CIMIP6: variants seen among roughly 807,000 people sequenced by gnomAD.
CIMIP6 encodes the protein ciliary microtubule inner protein 6, also known as uncharacterized protein C2orf73.
the CIMIP6 span, chr2:54,382,093 A>C: frequency 3.1e-6 from 4 of 1,307,544 alleles, no homozygotes; most frequent in Non-Finnish European, 4.0e-6. Context: ...CAGTCTGATT[A>C]CAAAGCACAA....
the CIMIP6 span, among the ~76,000 whole-genome samples, chr2:54,346,531 A>G: frequency 2.6e-5 from 4 of 152,244 alleles, no homozygotes; most frequent in East Asian, 5.8e-4. Context: ...CATTTCCTCC[A>G]TCCAAACTTA....
At chr2:54,360,301 A>G in the CIMIP6 span, 4 of 1,612,114 alleles carry the variant, frequency 2.5e-6, no homozygotes, top group South Asian at 4.4e-5. Context: ...GGTCACGTTC[A>G]TCAGAACAGT....
At chr2:54,340,779 T>G in the CIMIP6 span, among the ~76,000 whole-genome samples, 22 of 152,202 alleles carry the variant, frequency 1.4e-4, no homozygotes, top group African/African-American at 4.8e-4. Flanking sequence ...CTCTCTGCTC[T>G]AAGGCTAGCT....
At chr2:54,384,032 A>T in the CIMIP6 span, among the ~76,000 whole-genome samples, 1 of 152,166 alleles carries the variant, frequency 6.6e-6, no homozygotes, top group African/African-American at 2.4e-5. Context: ...AGCCAAATAC[A>T]TTTCATTTCT....
the CIMIP6 span, among the ~76,000 whole-genome samples, chr2:54,342,411 G>C: frequency 1.7e-3 from 256 of 152,086 alleles, 2 homozygotes; most frequent in African/African-American, 5.8e-3. Flanking sequence ...CATTATTTTT[G>C]CTGCCTTTGA....
At chr2:54,347,394 C>A in the CIMIP6 span, among the ~76,000 whole-genome samples, 10 of 152,188 alleles carry the variant, frequency 6.6e-5, no homozygotes, top group Non-Finnish European at 1.5e-4. Context: ...AGTCAGTGGA[C>A]ACCTCCTCAA....
the CIMIP6 span, among the ~76,000 whole-genome samples, chr2:54,376,317 T>C: frequency 6.6e-6 from 1 of 152,142 alleles, no homozygotes; most frequent in African/African-American, 2.4e-5. Flanking sequence ...CTCAGCCTGT[T>C]TTTTAATTTT....
the CIMIP6 span, among the ~76,000 whole-genome samples, chr2:54,349,454 A>C: frequency 6.6e-6 from 1 of 152,244 alleles, no homozygotes. Context: ...TTTGCTGATA[A>C]AATATAAATG....
the CIMIP6 span, among the ~76,000 whole-genome samples, chr2:54,339,711 C>G: frequency 1.3e-5 from 1 of 74,418 alleles, no homozygotes; most frequent in East Asian, 2.4e-4. Flanking sequence ...TAGGTTTTGT[C>G]AAAAGCCCAC....
chr2:54,355,275 G>A, the CIMIP6 span, among the ~76,000 whole-genome samples: 2 of 152,126 alleles, frequency 1.3e-5, no homozygotes, highest in Admixed American at 6.6e-5. Context: ...CCCAGATGAT[G>A]TTAAATTTCT....
chr2:54,351,800 G>A, the CIMIP6 span, among the ~76,000 whole-genome samples: 284 of 152,172 alleles, frequency 1.9e-3, no homozygotes, highest in African/African-American at 5.2e-3. Flanking sequence ...ACTATATTCT[G>A]TTTTCTTCTC....
chr2:54,372,965 C>T, the CIMIP6 span, among the ~76,000 whole-genome samples: 2 of 151,986 alleles, frequency 1.3e-5, no homozygotes, highest in South Asian at 2.1e-4. Flanking sequence ...CCAATGGGTC[C>T]CTCTGAGTCC....
the CIMIP6 span, among the ~76,000 whole-genome samples, chr2:54,339,681 A>G: frequency 8.0e-5 from 6 of 75,158 alleles, 3 homozygotes; most frequent in Non-Finnish European, 6.9e-5. Context: ...CTCTACCAAC[A>G]AAATGCGATT....
chr2:54,347,230 A>G, the CIMIP6 span, among the ~76,000 whole-genome samples: 65 of 152,348 alleles, frequency 4.3e-4, 1 homozygote, highest in African/African-American at 1.4e-3. Flanking sequence ...AAAATAACTA[A>G]GAGGAGTTGG....
the CIMIP6 span, among the ~76,000 whole-genome samples, chr2:54,350,443 G>A: frequency 4.6e-5 from 7 of 152,326 alleles, no homozygotes; most frequent in African/African-American, 1.7e-4. Flanking sequence ...CAGCTGGGAT[G>A]CAGGAATGAC....
the CIMIP6 span, among the ~76,000 whole-genome samples, chr2:54,364,623 C>T: frequency 1.3e-5 from 2 of 152,122 alleles, no homozygotes; most frequent in East Asian, 3.8e-4. Flanking sequence ...ATAACCGGTC[C>T]ATTAATTCCC....
At chr2:54,334,127 G>C in the CIMIP6 span, among the ~76,000 whole-genome samples, 4 of 152,030 alleles carry the variant, frequency 2.6e-5, no homozygotes, top group Non-Finnish European at 5.9e-5. Flanking sequence ...TCAAGTATGT[G>C]AATTTTAAAA....
At chr2:54,359,906 ATAGTCT>A in the CIMIP6 span, among the ~76,000 whole-genome samples, 1 of 152,244 alleles carries the variant, frequency 6.6e-6, no homozygotes, top group East Asian at 1.9e-4. Flanking sequence ...TTTGATGTGA[ATAGTCT>A]TAAACAGTCC....
chr2:54,339,283 A>G, the CIMIP6 span, among the ~76,000 whole-genome samples: 1 of 75,936 alleles, frequency 1.3e-5, no homozygotes, highest in African/African-American at 4.4e-5. Context: ...TGCTTAACAA[A>G]ATAAATTTGC....
Sources: gnomAD v4.1 joint callset for allele counts (sites outside exome capture counted in the v4.1 genomes callset) on GRCh38, gnomAD v4.1.1 for gene constraint, MANE v1.5 for transcripts, NCBI Gene and HGNC (gene_info 2026-07-23, HGNC 2026-07-21) for gene names.